SETD4: variants seen among roughly 807,000 people sequenced by gnomAD.
SETD4 encodes SET domain-containing protein 4.
Under a neutral mutation model 58.3 loss-of-function variants are expected in SETD4, and 46 were observed. The ratio of observed to expected loss-of-function variants is 0.79; its 90% CI spans 0.62 to 1.01. The LOEUF is 1.01. SETD4 is among the 50% of genes least tolerant of loss of function. The pLI is 0.00. For missense variants in SETD4, 490 were observed against 523.3 expected (o/e 0.94, Z 0.62); for synonymous variants, 190 against 202.6 (o/e 0.94, Z 0.53).
intron 5 of SETD4, among the ~76,000 whole-genome samples, chr21:36,048,055 G>T (rs1568923746): frequency 7.4e-6 from 1 of 135,166 alleles, no homozygotes; most frequent in Non-Finnish European, 1.6e-5. Flanking sequence ...AAGGAAGGAA[G>T]AGAGGGAGGG....
At position 36,036,136 on chromosome 21, in the gene SETD4, A is replaced by G. The variant is rs1490990158; in HGVS notation, c.1304T>C (p.Leu435Ser). ...LRASAETLHSLQTAFT is the reference protein window; with the variant it reads ...LRASAETLHSSQTAFT ...GTGAAATCAGGTAAAAGCTGTTTGC[A>G]AACTGTGCAGGGTCTCGGCAGATGC... The change falls in exon 11 of 12, where the codon TTG (leucine) becomes TCG (serine). Residue 435 changes from leucine to serine, a missense_variant. Transcript: ENST00000332131. 1 of 1,614,170 alleles carries G rather than the reference A, an allele frequency of 6.2e-7. No homozygotes were observed. The highest frequency in any genetic ancestry group is 1.1e-5 in the South Asian group (1 of 91,070).
chr21:36,057,907 C>T (rs1659827236), intron 2 of SETD4, among the ~76,000 whole-genome samples: 1 of 152,164 alleles, frequency 6.6e-6, no homozygotes, highest in African/African-American at 2.4e-5. Context: ...AAAAAGTGAG[C>T]TTATCGATAT....
chr21:36,054,050 T>C (rs764238409), intron 3 of SETD4, among the ~76,000 whole-genome samples: 5 of 152,156 alleles, frequency 3.3e-5, no homozygotes, highest in Non-Finnish European at 7.4e-5. Flanking sequence ...TGAGACCCCT[T>C]TGATTGGCCG....
At chr21:36,048,500 C>G in intron 4 of SETD4, 104 bp from the exon 5 acceptor site, 1 of 958,246 alleles carries the variant, frequency 1.0e-6, no homozygotes, top group Admixed American at 1.8e-5. Flanking sequence ...ACCAGTAACC[C>G]ACTGTAACTC....
At position 36,045,660 on chromosome 21, in the gene SETD4, C is replaced by T. The variant is rs2064285575; in HGVS notation, c.648G>A (p.Arg216=). Residue 216 remains arginine, a synonymous_variant, in exon 6 of 12, where the codon CGG becomes CGA. Coordinates refer to ENST00000332131, the MANE Select transcript of SETD4 (RefSeq NM_017438.5). The part of the protein sequence containing the change: ...TRAVYLRPRQ[R]ECLSAEPDTC... ...TGTCCGGCTCTGCAGAAAGGCATTC[C>T]CGCTGCCTGGGCCTCAGGTACACGG... 6.2e-7 allele frequency: 1 copy of T among 1,614,096 alleles called. No individual in the cohort carries two copies.
At chr21:36,043,546 A>G (rs2064164902) in intron 7 of SETD4, 1 of 1,347,468 alleles carries the variant, frequency 7.4e-7, no homozygotes, top group Admixed American at 3.5e-5. Flanking sequence ...CTTCCATTCT[A>G]TCTTCTGACC....
intron 4 of SETD4, chr21:36,051,167 C>A: frequency 6.3e-7 from 1 of 1,585,874 alleles, no homozygotes; most frequent in Non-Finnish European, 8.7e-7. Context: ...AGCGTATGTC[C>A]CTGCTCTCTG....
chr21:36,037,459 G>C (rs1568898543), intron 10 of SETD4, among the ~76,000 whole-genome samples: 1 of 151,680 alleles, frequency 6.6e-6, no homozygotes, highest in Non-Finnish European at 1.5e-5. Flanking sequence ...ACAAAAATTA[G>C]CCAGATGTGG....
At chr21:36,055,338 T>G (rs138298433) in intron 3 of SETD4, among the ~76,000 whole-genome samples, 44 of 152,344 alleles carry the variant, frequency 2.9e-4, no homozygotes, top group Non-Finnish European at 5.9e-4. Context: ...ATATTGGATA[T>G]ACTAGGCAAA....
In SETD4 at chr21:36,050,241, T is replaced by C. The variant is rs1191962467; in HGVS notation, c.208-1845A>G. On this transcript the variant is annotated intron_variant, in intron 4 of 11. Coordinates refer to ENST00000332131, the MANE Select transcript of SETD4 (RefSeq NM_017438.5). ...GATCTGTAGTTACGTGGCTGCCAAG[T>C]TGTGGTTTTTGATAGATTGTCCCAT... 2.7e-5 allele frequency: 39 copies of C among 1,419,178 alleles called. No homozygotes were observed. The East Asian group carries it at 4.8e-4, about 17-fold the overall frequency. The allele number at this position is 1,419,178 out of a possible 1,614,324, so 87.9% of individuals were successfully genotyped here. A position where few individuals can be genotyped will look rare whatever the true frequency, so the allele number is the denominator to read the frequency against.
intron 7 of SETD4, chr21:36,043,528 T>C: frequency 7.6e-7 from 1 of 1,321,356 alleles, no homozygotes; most frequent in Non-Finnish European, 9.6e-7. Flanking sequence ...CTTAGCAGTT[T>C]TCCTTTTCTT....
At chr21:36,045,322 G>C (rs1387182893) in intron 6 of SETD4, among the ~76,000 whole-genome samples, 1 of 152,226 alleles carries the variant, frequency 6.6e-6, no homozygotes, top group Non-Finnish European at 1.5e-5. Flanking sequence ...TGCTGGGAAA[G>C]ACCGGACAGA....
At chr21:36,051,197 G>A in intron 4 of SETD4, 1 of 1,605,222 alleles carries the variant, frequency 6.2e-7, no homozygotes, top group Non-Finnish European at 8.5e-7. Flanking sequence ...CTGCCAGTGA[G>A]ACTAGTGAGC....
Position 36,041,868 on chromosome 21 carries a change from GA to G in SETD4, c.921del (p.Pro308HisfsTer14). 6.9e-7 allele frequency: 1 copy of G among 1,458,090 alleles called. No individual in the cohort carries two copies. 90.3% of individuals were successfully genotyped at this position (1,458,090 alleles called of 1,614,324 possible). A position where few individuals can be genotyped will look rare whatever the true frequency, so the allele number is the denominator to read the frequency against. ...YVSREILVKY[L>X]PSTDKQMDKK... ...TTGTCCATCTGTTTATCTGTTGATG[GA>G]AGATATTTAACAAGTATTTCTATAT... On this transcript the variant is annotated frameshift_variant, in exon 8 of 12. Transcript: ENST00000332131. LOFTEE classifies it high-confidence loss of function.
At chr21:36,048,578 G>A (rs533448676) in intron 4 of SETD4, among the ~76,000 whole-genome samples, 182 bp from the exon 5 acceptor site, 6 of 152,182 alleles carry the variant, frequency 3.9e-5, no homozygotes, top group East Asian at 1.9e-4. Context: ...AGATGCACAC[G>A]AGGCTGCTCC....
At position 36,050,696 on chromosome 21, in the gene SETD4, G is replaced by A. The variant is rs148162798; in HGVS notation, c.208-2300C>T. ...AGTTCCCAATGGTAGTAAAGAATAC[G>A]CGGGGTCATAGAGGTAAAGCTGTTT... On this transcript the variant is annotated intron_variant, in intron 4 of 11. Coordinates refer to ENST00000332131, the MANE Select transcript of SETD4 (RefSeq NM_017438.5). 3,680 of 1,607,812 alleles carry A rather than the reference G, an allele frequency of 2.3e-3. 5 individuals are homozygous for A. The highest frequency in any genetic ancestry group is 3.6e-3 in the South Asian group (330 of 90,950).
At chr21:36,050,700 G>A in intron 4 of SETD4, 1 of 1,608,954 alleles carries the variant, frequency 6.2e-7, no homozygotes, top group Non-Finnish European at 8.5e-7. Flanking sequence ...GAATACGCGG[G>A]GTCATAGAGG....
At position 36,043,784 on chromosome 21, in the gene SETD4, CTT is replaced by C; in HGVS notation, c.897_898del (p.Glu301AsnfsTer4). 6.2e-7 allele frequency: 1 copy of C among 1,614,048 alleles called. No individual in the cohort carries two copies. The highest frequency in any genetic ancestry group is 1.1e-5 in the South Asian group (1 of 91,044). Reference sequence around the variant, plus strand: ...TTAAGAACAAAGTTGATTCCAACCTCTTGAGACATAAACACAAGCATGAGGAT... The same window carrying C: ...TTAAGAACAAAGTTGATTCCAACCTCGAGACATAAACACAAGCATGAGGAT... On this transcript the variant is annotated frameshift_variant, in exon 7 of 12. Coordinates refer to ENST00000332131, the MANE Select transcript of SETD4 (RefSeq NM_017438.5). LOFTEE classifies it high-confidence loss of function.
chr21:36,038,101 C>T, intron 10 of SETD4, 49 bp downstream of exon 10: 1 of 1,581,130 alleles, frequency 6.3e-7, no homozygotes, highest in Non-Finnish European at 8.6e-7. Flanking sequence ...AAACAAGGAA[C>T]TGCTGAATCA....
Sources: allele counts gnomAD v4.1 joint callset (sites outside exome capture counted in the v4.1 genomes callset), GRCh38; gene constraint gnomAD v4.1.1; transcripts MANE v1.5; gene names NCBI Gene and HGNC (gene_info 2026-07-23, HGNC 2026-07-21).